Variants in VOPP1 observed in about 807,000 individuals in gnomAD.
VOPP1 encodes VOPP1 WW domain binding protein, also known as WW domain binding protein VOPP1.
A neutral mutation model predicts 23.5 loss-of-function variants in VOPP1; 8 were observed. That is an observed-to-expected ratio of 0.34 (90% CI 0.20 to 0.61). The LOEUF is 0.61. Ranked by LOEUF, VOPP1 falls within the 20% of genes least tolerant of loss-of-function variation. The probability of loss-of-function intolerance (pLI) is 0.78; values close to 1 mark genes in which losing one functional copy is unlikely to be tolerated. For missense variants in VOPP1, 174 were observed against 238.1 expected (o/e 0.73, Z 1.77); for synonymous variants, 83 against 97.3 (o/e 0.85, Z 0.86).
chr7:55,519,647 T>G (rs1795707267), intron 2 of VOPP1, among the ~76,000 whole-genome samples: 3 of 152,344 alleles, frequency 2.0e-5, no homozygotes, highest in Middle Eastern at 3.4e-3. Context: ...GCTGCTGTTT[T>G]ATTTTCCAAG....
At chr7:55,533,511 G>C (rs190424521) in intron 1 of VOPP1, among the ~76,000 whole-genome samples, 53 of 152,302 alleles carry the variant, frequency 3.5e-4, no homozygotes, top group Non-Finnish European at 4.3e-4. Flanking sequence ...TGACTGTGCT[G>C]TCTGCCATCT....
At chr7:55,515,994 G>A (rs1795382439) in intron 2 of VOPP1, 10 of 985,520 alleles carry the variant, frequency 1.0e-5, no homozygotes, top group East Asian at 1.1e-4. Flanking sequence ...GTTTCAGGCC[G>A]TGCTGGCAAA....
At position 55,462,804 on chromosome 7, in the gene VOPP1, C is replaced by T. The variant is rs953812626; in HGVS notation, n.418-26630G>A. Among the ~76,000 whole-genome samples the T allele has an allele frequency of 1.5e-4, 23 of 151,164 alleles. 2 individuals are homozygous for T. Among genetic ancestry groups the T allele is most frequent in the Admixed American group, 3.3e-4 (5 of 15,086 alleles). ...CCAAGTAGCTGGGACTACAGGCGCC[C>T]GCCACTACGCCCAGCTAATTTTTTT... is the stretch of plus-strand genomic sequence containing the variant. On this transcript the variant is annotated intron_variant and non_coding_transcript_variant, in intron 4 of 4. Coordinates refer to the VOPP1 transcript ENST00000462326.
intron 1 of VOPP1, among the ~76,000 whole-genome samples, chr7:55,526,493 T>C (rs1796200840): frequency 6.6e-6 from 1 of 152,184 alleles, no homozygotes; most frequent in African/African-American, 2.4e-5. Context: ...CTCCCTTTTC[T>C]ATCCCAGGCT....
intron 4 of VOPP1, 146 bp downstream of exon 4, chr7:55,492,136 A>C (rs1793614502): frequency 8.5e-7 from 1 of 1,177,218 alleles, no homozygotes; most frequent in Non-Finnish European, 1.2e-6. Context: ...CAAATGCACA[A>C]TGGAGCTGGT....
intron 1 of VOPP1, among the ~76,000 whole-genome samples, chr7:55,529,297 G>A (rs1324719061): frequency 2.6e-5 from 4 of 150,988 alleles, no homozygotes; most frequent in East Asian, 3.9e-4. Context: ...CCTGGGAGGC[G>A]GAGGTTACAG....
chr7:55,439,471 G>C (rs1462361186), intron 4 of VOPP1, among the ~76,000 whole-genome samples: 3 of 152,244 alleles, frequency 2.0e-5, no homozygotes, highest in Non-Finnish European at 4.4e-5. Flanking sequence ...CACAGCTGGT[G>C]AGCGAAATAG....
intron 4 of VOPP1, among the ~76,000 whole-genome samples, chr7:55,451,973 T>C (rs1351645852): frequency 1.3e-5 from 2 of 152,170 alleles, no homozygotes; most frequent in African/African-American, 2.4e-5. Context: ...AACAATGAAG[T>C]CTGCCGCATT....
intron 4 of VOPP1, among the ~76,000 whole-genome samples, chr7:55,440,626 A>T (rs1790940694): frequency 6.6e-6 from 1 of 151,992 alleles, no homozygotes; most frequent in Non-Finnish European, 1.5e-5. Flanking sequence ...CAGCTTCCCC[A>T]TTTGAGCGGC....
chr7:55,531,237 G>A (rs1796478993), intron 1 of VOPP1, among the ~76,000 whole-genome samples: 1 of 152,174 alleles, frequency 6.6e-6, no homozygotes, highest in Non-Finnish European at 1.5e-5. Flanking sequence ...CAGTGCTACT[G>A]TTATCTGCTG....
chr7:55,530,906 CTG>C (rs1343142435), intron 1 of VOPP1: 2 of 152,154 alleles, frequency 1.3e-5, no homozygotes. Context: ...GCTAAGGAAA[CTG>C]TCTCTGCAAT....
chr7:55,535,897 G>A (rs10251825), intron 1 of VOPP1, among the ~76,000 whole-genome samples: 89,144 of 152,018 alleles, frequency 0.59, 28,180 homozygotes, highest in Admixed American at 0.69. Flanking sequence ...ACTTACCGCA[G>A]GTCTGAGACT....
intron 1 of VOPP1, among the ~76,000 whole-genome samples, chr7:55,525,825 T>C (rs1269304239): frequency 7.7e-6 from 1 of 130,198 alleles, no homozygotes; most frequent in African/African-American, 2.9e-5. Flanking sequence ...AACCTTAAAA[T>C]GTATGGAAAC....
At chr7:55,465,290 G>A (rs1791605430) in intron 4 of VOPP1, among the ~76,000 whole-genome samples, 1 of 152,146 alleles carries the variant, frequency 6.6e-6, no homozygotes, top group Admixed American at 6.5e-5. Context: ...AAGTAGTGAG[G>A]GAAAAAAGAG....
chr7:55,528,249 A>G (rs1004549758), intron 1 of VOPP1, among the ~76,000 whole-genome samples: 2 of 152,318 alleles, frequency 1.3e-5, no homozygotes, highest in South Asian at 4.1e-4. Flanking sequence ...ATTTTTTGTT[A>G]TACATTATAG....
At chr7:55,536,370 A>C (rs182169852) in intron 1 of VOPP1, among the ~76,000 whole-genome samples, 14 of 152,248 alleles carry the variant, frequency 9.2e-5, no homozygotes, top group African/African-American at 3.1e-4. Flanking sequence ...CTCTACTAAA[A>C]ATACAAAAAT....
chr7:55,448,694 G>A (rs1791163676), intron 4 of VOPP1, among the ~76,000 whole-genome samples: 2 of 152,208 alleles, frequency 1.3e-5, no homozygotes, highest in Non-Finnish European at 2.9e-5. Context: ...AGCGCTGCAG[G>A]ACCAGGTCTG....
intron 4 of VOPP1, among the ~76,000 whole-genome samples, chr7:55,461,821 T>C (rs59681564): frequency 0.018 from 2,702 of 152,304 alleles, 88 homozygotes; most frequent in African/African-American, 0.062. Flanking sequence ...GTTTTCTACT[T>C]GTTTTGTGCA....
intron 4 of VOPP1, among the ~76,000 whole-genome samples, chr7:55,439,898 C>T (rs143267571): frequency 6.6e-6 from 1 of 152,300 alleles, no homozygotes; most frequent in Non-Finnish European, 1.5e-5. Flanking sequence ...AGTGGATCTG[C>T]CAAACACAGA....
Sources: gnomAD v4.1 joint callset for allele counts (sites outside exome capture counted in the v4.1 genomes callset) on GRCh38, gnomAD v4.1.1 for gene constraint, MANE v1.5 for transcripts, NCBI Gene and HGNC (gene_info 2026-07-23, HGNC 2026-07-21) for gene names.